CAPN5: variants seen among roughly 807,000 people sequenced by gnomAD.
The protein encoded by CAPN5 is calpain-5.
Under a neutral mutation model 73.0 loss-of-function variants are expected in CAPN5, and 54 were observed. The observed-to-expected ratio is 0.74, with a 90% confidence interval of 0.59 to 0.93. The LOEUF (loss-of-function observed/expected upper bound fraction) is 0.93. Among genes scored for constraint, CAPN5 ranks in the 40% least tolerant of loss-of-function variants. The pLI is 0.00. For missense variants in CAPN5, 785 were observed against 882.9 expected (o/e 0.89, Z 1.41); for synonymous variants, 335 against 356.9 (o/e 0.94, Z 0.69).
At chr11:77,094,810 T>A (rs955650157) in intron 3 of CAPN5, among the ~76,000 whole-genome samples, 22 of 152,232 alleles carry the variant, frequency 1.4e-4, no homozygotes, top group Admixed American at 9.8e-4. Flanking sequence ...TTGTGCGGCA[T>A]CGTGCTTGGC....
Position 77,093,718 on chromosome 11 carries a change from A to G in CAPN5, c.202A>G (p.Ile68Val), listed in dbSNP as rs1555037013. 1 of 1,609,874 alleles carries G rather than the reference A, an allele frequency of 6.2e-7. No homozygotes were observed. Among genetic ancestry groups the G allele is most frequent in the African/African-American group, 1.3e-5 (1 of 75,042 alleles). ...GGACCCCCGCCTCTTTGTGGATGGC[A>G]TCAGCTCCCACGACCTGCACCAGGG... is the stretch of plus-strand genomic sequence containing the variant. ...CEDPRLFVDG[I>V]SSHDLHQGQV... The change falls in exon 3 of 13, where the codon ATC becomes GTC. Residue 68 changes from isoleucine (I) to valine (V), a missense_variant. By Grantham distance (29) the Ile-to-Val change is conservative. Coordinates refer to ENST00000648180, the MANE Select transcript of CAPN5 (RefSeq NM_004055.5).
Position 77,084,986 on chromosome 11 carries a change from G to A in CAPN5, c.100G>A (p.Ala34Thr), listed in dbSNP as rs374497977. ...GCTCTTCGAGGACCCCCTCTTCCCC[G>A]CCACTGACGACTCACTCTACTATAA... ...KVLFEDPLFP[A>T]TDDSLYYKGT... The change falls in exon 2 of 13, where the codon GCC (alanine) becomes ACC (threonine). Residue 34 changes from alanine (A) to threonine (T), a missense_variant. Ala to Thr is a moderately conservative substitution (Grantham distance 58). Transcript: ENST00000648180. The A allele has an allele frequency of 4.8e-5, 77 of 1,613,722 alleles. No individual in the cohort carries two copies. The highest frequency in any genetic ancestry group is 3.3e-4 in the African/African-American group (25 of 74,936).
chr11:77,100,627 A>G (rs782727419), intron 3 of CAPN5, among the ~76,000 whole-genome samples: 2 of 152,128 alleles, frequency 1.3e-5, no homozygotes, highest in Non-Finnish European at 2.9e-5. Flanking sequence ...CCCGGACCAC[A>G]GCGTCCCCAT....
intron 1 of CAPN5, among the ~76,000 whole-genome samples, chr11:77,073,634 G>A (rs187900780): frequency 9.1e-4 from 138 of 152,322 alleles, no homozygotes; most frequent in African/African-American, 3.2e-3. Context: ...ATACACACAT[G>A]GCCCTGCCCG....
intron 1 of CAPN5, among the ~76,000 whole-genome samples, chr11:77,077,208 T>C (rs556892888): frequency 6.6e-6 from 1 of 151,950 alleles, no homozygotes; most frequent in African/African-American, 2.4e-5. Flanking sequence ...AATATGAAAA[T>C]TAGCCAGGCA....
In CAPN5 at chr11:77,085,176, G is replaced by C. The variant is rs73493631; in HGVS notation, c.165+125G>C. On this transcript the variant is annotated intron_variant, in intron 2 of 12. Transcript: ENST00000648180. Reference sequence around the variant, plus strand: ...GGCCCCAGGCTGCTGAGAAAGTGAGGGTGCTGAAACGGTGGGATTTGATCC... The same window carrying C: ...GGCCCCAGGCTGCTGAGAAAGTGAGCGTGCTGAAACGGTGGGATTTGATCC... 1.1e-3 allele frequency: 876 copies of C among 801,284 alleles called. 5 individuals carry two copies. In the African/African-American group the frequency reaches 0.014, roughly 12 times the overall value. 49.6% of individuals were successfully genotyped at this position (801,284 alleles called of 1,614,324 possible).
rs1555041735 is a variant in CAPN5 at position 77,116,214 on chromosome 11, C to T, written c.894-12C>T. ...ACAGCTCCCTTTCTCCTCCCCGGCC[C>T]TGACACCCCAGCTCGGAGGAGTGGC... On this transcript the variant is annotated splice_polypyrimidine_tract_variant and intron_variant, in intron 6 of 12. Coordinates refer to ENST00000648180, the MANE Select transcript of CAPN5 (RefSeq NM_004055.5). The T allele has an allele frequency of 6.2e-7, 1 of 1,608,450 alleles. No homozygotes were observed. Among genetic ancestry groups the T allele is most frequent in the Non-Finnish European group, 8.5e-7 (1 of 1,177,512 alleles).
intron 3 of CAPN5, among the ~76,000 whole-genome samples, chr11:77,102,418 A>T (rs1300600031): frequency 2.0e-5 from 3 of 152,168 alleles, no homozygotes; most frequent in Non-Finnish European, 4.4e-5. Flanking sequence ...CGGGTCTTGC[A>T]TCTTCTCCTG....
intron 2 of CAPN5, among the ~76,000 whole-genome samples, chr11:77,092,959 G>T (rs1345503424): frequency 6.6e-6 from 1 of 152,184 alleles, no homozygotes; most frequent in African/African-American, 2.4e-5. Flanking sequence ...CTGGGCAAAA[G>T]AGCGAGACTG....
chr11:77,082,489 G>C (rs559133706), intron 1 of CAPN5, among the ~76,000 whole-genome samples: 1 of 152,312 alleles, frequency 6.6e-6, no homozygotes, highest in African/African-American at 2.4e-5. Flanking sequence ...CCCTGTCGGG[G>C]TGTTGGCCCC....
In CAPN5 at chr11:77,107,029, C is replaced by T. The variant is rs144105430; in HGVS notation, c.298-5560C>T. 2.7e-3 allele frequency among the ~76,000 whole-genome samples: 409 copies of T among 152,298 alleles called. 1 individual carries two copies. Among genetic ancestry groups the T allele is most frequent in the African/African-American group, 9.4e-3 (390 of 41,584 alleles). On this transcript the variant is annotated intron_variant, in intron 3 of 12. Transcript: ENST00000648180. ...TCCCCCAAGGCTGGGGGTCCCTGCC[C>T]GGTCTCAGCCACCCCATGAACAGGA...
chr11:77,103,390 A>C lies in CAPN5; in HGVS notation c.298-9199A>C. The C allele has an allele frequency of 5.8e-6, 9 of 1,540,552 alleles. No individual in the cohort carries two copies. In the South Asian group the frequency reaches 1.1e-4, roughly 19 times the overall value. On this transcript the variant is annotated intron_variant, in intron 3 of 12. Coordinates refer to ENST00000648180, the MANE Select transcript of CAPN5 (RefSeq NM_004055.5). The stretch of plus-strand genomic sequence containing the variant: ...ACCTGTGCTCTCCCCTGCCCCTGCC[A>C]CTTTCCCCCCTGTATTTTTGGGGCC...
intron 5 of CAPN5, among the ~76,000 whole-genome samples, chr11:77,115,132 A>C (rs1950452801): frequency 6.6e-6 from 1 of 152,166 alleles, no homozygotes; most frequent in African/African-American, 2.4e-5. Context: ...AACAATTTAA[A>C]TATTCCCGAA....
At chr11:77,081,097 T>C (rs1950023084) in intron 1 of CAPN5, among the ~76,000 whole-genome samples, 1 of 152,146 alleles carries the variant, frequency 6.6e-6, no homozygotes, top group Non-Finnish European at 1.5e-5. Context: ...CTAAGCCATT[T>C]TGTAGATGGG....
intron 3 of CAPN5, among the ~76,000 whole-genome samples, chr11:77,109,813 C>T (rs1555040484): frequency 6.6e-6 from 1 of 152,300 alleles, no homozygotes; most frequent in Admixed American, 6.5e-5. Flanking sequence ...TCTCCAGGCC[C>T]TGGAGCCTCA....
intron 2 of CAPN5, 87 bp from the exon 3 acceptor site, chr11:77,093,584 GTCTGTGTCTGT>G: frequency 1.2e-6 from 1 of 855,000 alleles, no homozygotes; most frequent in South Asian, 2.1e-5. Context: ...CACACAGCAA[GTCTGTGTCTGT>G]CACGTCTGTG....
chr11:77,109,699 C>T (rs1950392048), intron 3 of CAPN5, among the ~76,000 whole-genome samples: 1 of 152,190 alleles, frequency 6.6e-6, no homozygotes, highest in Non-Finnish European at 1.5e-5. Flanking sequence ...GACAGCAGAG[C>T]AGCTGAGGGG....
At chr11:77,101,372 A>T (rs534110358) in intron 3 of CAPN5, among the ~76,000 whole-genome samples, 1 of 152,302 alleles carries the variant, frequency 6.6e-6, no homozygotes, top group South Asian at 2.1e-4. Flanking sequence ...CTCCCATGGT[A>T]GTTCCTTAGC....
At chr11:77,106,183 C>T (rs1200459745) in intron 3 of CAPN5, among the ~76,000 whole-genome samples, 5 of 152,168 alleles carry the variant, frequency 3.3e-5, no homozygotes, top group African/African-American at 4.8e-5. Context: ...TCATGCCCGC[C>T]TCAGAGTAGC....
Sources: gnomAD v4.1 joint callset for allele counts (sites outside exome capture counted in the v4.1 genomes callset) on GRCh38, gnomAD v4.1.1 for gene constraint, MANE v1.5 for transcripts, NCBI Gene and HGNC (gene_info 2026-07-23, HGNC 2026-07-21) for gene names.